MINDY4: variants seen among roughly 807,000 people sequenced by gnomAD.
MINDY4 encodes the protein MINDY lysine 48 deubiquitinase 4.
Under a neutral mutation model 87.0 loss-of-function variants are expected in MINDY4, and 68 were observed. The observed-to-expected ratio is 0.78, with a 90% CI of 0.64 to 0.96. The LOEUF is 0.96. Ranked by LOEUF, MINDY4 falls within the 40% of genes least tolerant of loss-of-function variation. MINDY4 has a pLI of 0.00. For missense variants in MINDY4, 919 were observed against 928.2 expected (o/e 0.99, Z 0.13); for synonymous variants, 379 against 363.2 (o/e 1.04, Z -0.50).
intron 5 of MINDY4, chr7:30,796,640 A>G (rs1035876123): frequency 1.3e-5 from 2 of 152,224 alleles, no homozygotes; most frequent in African/African-American, 4.8e-5. Flanking sequence ...CGGGGAAAAT[A>G]GAGCCCCAGA....
chr7:30,886,315 C>T (rs375404724), intron 17 of MINDY4, among the ~76,000 whole-genome samples: 1 of 152,228 alleles, frequency 6.6e-6, no homozygotes, highest in East Asian at 1.9e-4. Context: ...TTGGCTCCTG[C>T]TCTCAGAGAG....
chr7:30,781,732 T>G, intron 2 of MINDY4: 1 of 477,864 alleles, frequency 2.1e-6, no homozygotes, highest in South Asian at 3.0e-5. Flanking sequence ...AGTTGTTTAT[T>G]GAATCACCTG....
chr7:30,882,372 T>TCCCCCCCCCCCCCCC lies in MINDY4; in HGVS notation c.2152+12_2152+13insCCCCCCCCCCCCCCC. 1 of 1,521,440 alleles carries TCCCCCCCCCCCCCCC rather than the reference T, an allele frequency of 6.6e-7. No homozygotes were observed. The highest frequency in any genetic ancestry group is 8.9e-7 in the Non-Finnish European group (1 of 1,127,510). 94.2% of individuals were successfully genotyped at this position (1,521,440 alleles called of 1,614,324 possible). ...TCCGGCTGACCATTGGTGCGGGCCC[T>TCCCCCCCCCCCCCCC]CACCCCCCCACCCACCCAACCCTGT... On this transcript the variant is annotated intron_variant, in intron 16 of 17. Coordinates refer to ENST00000265299, the MANE Select transcript of MINDY4 (RefSeq NM_032222.3).
intron 5 of MINDY4, among the ~76,000 whole-genome samples, chr7:30,827,012 G>A (rs1584282722): frequency 1.3e-5 from 2 of 152,268 alleles, no homozygotes; most frequent in East Asian, 1.9e-4. Flanking sequence ...GATGACTTTG[G>A]CAGCCATATA....
chr7:30,773,873 TAA>T (rs1786720149), intron 1 of MINDY4, among the ~76,000 whole-genome samples: 1 of 152,176 alleles, frequency 6.6e-6, no homozygotes, highest in Non-Finnish European at 1.5e-5. Context: ...GGGCCTACCA[TAA>T]CCCACCTACC....
At chr7:30,842,864 G>T (rs189781393) in intron 9 of MINDY4, among the ~76,000 whole-genome samples, 1 of 152,252 alleles carries the variant, frequency 6.6e-6, no homozygotes, top group Admixed American at 6.5e-5. Flanking sequence ...TGAGCCCTCA[G>T]GCTCTGTGCT....
rs1316622636 is a variant in MINDY4, at chr7:30,857,511, C to T, written c.1678-1746C>T. 5.8e-5 allele frequency among the ~76,000 whole-genome samples: 3 copies of T among 51,322 alleles called. 1 individual carries two copies. Among genetic ancestry groups the T allele is most frequent in the East Asian group, 1.8e-3 (2 of 1,134 alleles). The allele number at this position is 51,322 out of a possible 152,430, so 33.7% of individuals were successfully genotyped here. On this transcript the variant is annotated intron_variant, in intron 12 of 17. Transcript: ENST00000265299. The stretch of plus-strand genomic sequence containing the variant: ...TTTTTGAGACGGAGTCTCGCTCTGT[C>T]GCCCAGGCTGGAGTGCAGTGGCGCG...
chr7:30,862,805 C>G (rs1253669585), intron 13 of MINDY4, among the ~76,000 whole-genome samples: 1 of 152,210 alleles, frequency 6.6e-6, no homozygotes, highest in Non-Finnish European at 1.5e-5. Flanking sequence ...GCTAACCCAG[C>G]CTGTGCCTTA....
At chr7:30,831,353 T>G (rs1788694622) in intron 6 of MINDY4, among the ~76,000 whole-genome samples, 1 of 152,178 alleles carries the variant, frequency 6.6e-6, no homozygotes, top group African/African-American at 2.4e-5. Context: ...GGCAGGCAGC[T>G]GCTTGAATGA....
intron 16 of MINDY4, 99 bp from the exon 17 acceptor site, chr7:30,882,821 AG>A: frequency 1.0e-6 from 1 of 984,056 alleles, no homozygotes. Flanking sequence ...AGGAGGGGAC[AG>A]GGACTAGAAG....
At chr7:30,801,095 C>T (rs371656300) in intron 5 of MINDY4, among the ~76,000 whole-genome samples, 7 of 152,064 alleles carry the variant, frequency 4.6e-5, no homozygotes, top group East Asian at 1.9e-4. Flanking sequence ...AAGCCACGGG[C>T]GCACAGATGC....
At chr7:30,831,557 G>C (rs1232364790) in intron 6 of MINDY4, among the ~76,000 whole-genome samples, 1 of 152,208 alleles carries the variant, frequency 6.6e-6, no homozygotes, top group Non-Finnish European at 1.5e-5. Context: ...GGACCGGCAT[G>C]GTGGGTGAGA....
At chr7:30,850,886 T>G (rs1789395063) in intron 10 of MINDY4, among the ~76,000 whole-genome samples, 1 of 152,170 alleles carries the variant, frequency 6.6e-6, no homozygotes, top group Non-Finnish European at 1.5e-5. Flanking sequence ...TCTATAGTTC[T>G]CTGATCTGGA....
At chr7:30,775,179 A>T (rs1786771681) in intron 1 of MINDY4, among the ~76,000 whole-genome samples, 1 of 152,182 alleles carries the variant, frequency 6.6e-6, no homozygotes, top group South Asian at 2.1e-4. Context: ...GAGTTAGTGC[A>T]GACCCTGCAG....
intron 16 of MINDY4, 88 bp downstream of exon 16, chr7:30,882,449 C>A: frequency 5.1e-6 from 6 of 1,170,416 alleles, no homozygotes; most frequent in Non-Finnish European, 7.0e-6. Flanking sequence ...TATCCACCAC[C>A]AACCCCCATG....
intron 5 of MINDY4, among the ~76,000 whole-genome samples, chr7:30,812,062 G>A (rs1037471298): frequency 6.6e-6 from 1 of 152,162 alleles, no homozygotes; most frequent in African/African-American, 2.4e-5. Context: ...AAGGGCACGT[G>A]TACCAGATGC....
intron 5 of MINDY4, among the ~76,000 whole-genome samples, chr7:30,810,275 T>TA (rs958972001): frequency 1.8e-4 from 27 of 147,070 alleles, no homozygotes; most frequent in African/African-American, 6.3e-4. Context: ...AAAAATGTTA[T>TA]AAAAAAATTT....
intron 5 of MINDY4, among the ~76,000 whole-genome samples, chr7:30,803,747 T>C (rs539632024): frequency 2.0e-5 from 3 of 152,336 alleles, no homozygotes; most frequent in South Asian, 2.1e-4. Context: ...TCCTAAAGAC[T>C]GAAGCAGCTC....
chr7:30,797,443 TGAGAG>T (rs1787523197), intron 5 of MINDY4, among the ~76,000 whole-genome samples: 1 of 152,086 alleles, frequency 6.6e-6, no homozygotes, highest in Non-Finnish European at 1.5e-5. Flanking sequence ...GGGTTACACT[TGAGAG>T]GAGGCCAGAA....
Sources: allele counts gnomAD v4.1 joint callset (sites outside exome capture counted in the v4.1 genomes callset), GRCh38; gene constraint gnomAD v4.1.1; transcripts MANE v1.5; gene names NCBI Gene and HGNC (gene_info 2026-07-23, HGNC 2026-07-21).